The following TNRC6A variants were observed in gnomAD, a reference collection of about 807,000 sequenced individuals.
The protein encoded by TNRC6A is trinucleotide repeat-containing gene 6A protein.
In TNRC6A, 44 loss-of-function variants were observed where a neutral mutation model predicts 221.2. That is an observed-to-expected ratio of 0.20 (90% confidence interval 0.16 to 0.26). The LOEUF (loss-of-function observed/expected upper bound fraction) is 0.26, where lower values mean the gene tolerates loss of function less well. Ranked by LOEUF, TNRC6A falls within the 10% of genes least tolerant of loss-of-function variation. The pLI, the probability that TNRC6A is intolerant of heterozygous loss-of-function variation, is 1.00. For missense variants in TNRC6A, 2,199 were observed against 2,404.4 expected, an observed-to-expected ratio of 0.91 and a Z score of 1.79; for synonymous variants, 847 against 838.5, an observed-to-expected ratio of 1.01 and a Z score of -0.18.
chr16:24,662,867 T>C (rs2055064429), intron 2 of TNRC6A: 1 of 153,780 alleles, frequency 6.5e-6, no homozygotes, highest in Non-Finnish European at 1.5e-5. Context: ...ATGTGTGTGC[T>C]GGTGTATATG....
chr16:24,818,361 A>C (rs2058696104), intron 20 of TNRC6A, among the ~76,000 whole-genome samples: 1 of 152,112 alleles, frequency 6.6e-6, no homozygotes, highest in African/African-American at 2.4e-5. Context: ...AGTGAGGACA[A>C]AATCAGAGGG....
rs528759357 is a variant in TNRC6A at position 24,717,522 on chromosome 16, T to C, written n.403-33204T>C. 3.3e-5 allele frequency among the ~76,000 whole-genome samples: 5 copies of C among 152,218 alleles called. No individual in the cohort carries two copies. The South Asian group carries it at 1.0e-3, about 32-fold the overall frequency. On this transcript the variant is annotated intron_variant and non_coding_transcript_variant, in intron 2 of 2. Coordinates refer to the TNRC6A transcript ENST00000566108. ...GCAGAAGTACCCACTTTATCCTCGG[T>C]GAAACAATGAATGTGCCTGTGGTGG...
At chr16:24,794,176 CTCCCTAAAAATAT>C (rs949625777) in intron 7 of TNRC6A, among the ~76,000 whole-genome samples, 9 of 152,328 alleles carry the variant, frequency 5.9e-5, no homozygotes, top group African/African-American at 2.2e-4. Context: ...TCTGGCCATT[CTCCCTAAAAATAT>C]ATATAAAAAT....
At chr16:24,664,803 AC>A (rs2055119858) in intron 2 of TNRC6A, 2 of 444,302 alleles carry the variant, frequency 4.5e-6, no homozygotes, top group African/African-American at 4.1e-5. Flanking sequence ...ACACACACAC[AC>A]ACACACACAA....
chr16:24,760,219 T>G (rs751169998), intron 4 of TNRC6A, among the ~76,000 whole-genome samples: 8 of 152,224 alleles, frequency 5.3e-5, no homozygotes, highest in Non-Finnish European at 1.0e-4. Context: ...AGTTCATCCT[T>G]GAATGGGTCT....
intron 2 of TNRC6A, among the ~76,000 whole-genome samples, chr16:24,681,963 C>T (rs1393338817): frequency 3.3e-5 from 5 of 152,148 alleles, no homozygotes; most frequent in Admixed American, 6.6e-5. Context: ...ATTATATTCC[C>T]GCCCATCTGT....
intron 2 of TNRC6A, among the ~76,000 whole-genome samples, chr16:24,721,857 T>C (rs1029826270): frequency 2.6e-5 from 4 of 152,178 alleles, no homozygotes; most frequent in Non-Finnish European, 5.9e-5. Context: ...TATGAATGAC[T>C]CTCACAGGCA....
intron 4 of TNRC6A, among the ~76,000 whole-genome samples, chr16:24,769,003 G>C (rs1450085955): frequency 6.6e-6 from 1 of 152,144 alleles, no homozygotes; most frequent in Non-Finnish European, 1.5e-5. Context: ...TCTGAAATCA[G>C]TTTATTAAGG....
rs2151906323 is a variant in TNRC6A, at chr16:24,794,432, G to T, written c.3353-112G>T. 4.7e-6 allele frequency: 5 copies of T among 1,057,890 alleles called. No individual in the cohort carries two copies. In the East Asian group the frequency reaches 7.8e-5, roughly 17 times the overall value. 65.5% of individuals were successfully genotyped at this position (1,057,890 alleles called of 1,614,324 possible). ...CAGATGCAGGAAGGGAAATAAGTGT[G>T]CACGTGTGTGTTTTCTTAGGTTCTC... On this transcript the variant is annotated intron_variant, in intron 7 of 24. Coordinates refer to ENST00000395799, the MANE Select transcript of TNRC6A (RefSeq NM_014494.4).
chr16:24,621,798 A>G (rs143502030), intron 1 of TNRC6A, among the ~76,000 whole-genome samples: 158 of 152,338 alleles, frequency 1.0e-3, no homozygotes, highest in South Asian at 3.9e-3. Context: ...TATAAAAGCA[A>G]TAGTAAAAAT....
At chr16:24,796,532 A>G (rs1026241203) in intron 9 of TNRC6A, among the ~76,000 whole-genome samples, 3 of 152,168 alleles carry the variant, frequency 2.0e-5, no homozygotes, top group African/African-American at 7.2e-5. Context: ...CTAATTTGAG[A>G]GGCATTTCAG....
intron 3 of TNRC6A, among the ~76,000 whole-genome samples, chr16:24,753,016 CAT>C (rs953497482): frequency 1.3e-5 from 2 of 152,198 alleles, no homozygotes; most frequent in African/African-American, 2.4e-5. Context: ...AAAGTTGTAA[CAT>C]ATACAGCAAT....
chr16:24,805,884 G>A (rs1286285535), intron 15 of TNRC6A, 151 bp downstream of exon 15: 4 of 1,075,306 alleles, frequency 3.7e-6, no homozygotes, highest in Non-Finnish European at 2.7e-6. Flanking sequence ...GAGACAGATC[G>A]TGAACATTTG....
intron 4 of TNRC6A, among the ~76,000 whole-genome samples, chr16:24,758,760 A>C (rs574244463): frequency 3.3e-5 from 5 of 152,124 alleles, no homozygotes; most frequent in Admixed American, 6.6e-5. Context: ...TCTCTGAAGA[A>C]TGTCCCCCAT....
At position 24,792,342 on chromosome 16, in the gene TNRC6A, T is replaced by C. The variant is rs116797236; in HGVS notation, c.3175+525T>C. On this transcript the variant is annotated intron_variant, in intron 6 of 24. Transcript: ENST00000395799. ...CTTACTTTCCTCTCTAATAATGAAC[T>C]AATTCCTATCTCTGCAAATTTTCCC... Among the ~76,000 whole-genome samples the C allele has an allele frequency of 9.5e-4, 144 of 152,340 alleles. 1 individual carries two copies. Among genetic ancestry groups the C allele is most frequent in the African/African-American group, 3.4e-3 (140 of 41,590 alleles).
intron 1 of TNRC6A, among the ~76,000 whole-genome samples, chr16:24,625,082 G>A (rs1317263853): frequency 6.6e-6 from 1 of 152,172 alleles, no homozygotes; most frequent in East Asian, 1.9e-4. Flanking sequence ...TATCTGTTTG[G>A]TGGAGAAATG....
At chr16:24,801,228 G>A (rs994063817) in intron 11 of TNRC6A, among the ~76,000 whole-genome samples, 1 of 152,196 alleles carries the variant, frequency 6.6e-6, no homozygotes, top group Non-Finnish European at 1.5e-5. Context: ...GAGAGAGTTG[G>A]AGGATAATGG....
At position 24,805,679 on chromosome 16, in the gene TNRC6A, C is replaced by T; in HGVS notation, c.4197C>T (p.Ala1399=). 6 of 1,614,226 alleles carry T rather than the reference C, an allele frequency of 3.7e-6. No homozygotes were observed. The highest frequency in any genetic ancestry group is 5.1e-6 in the Non-Finnish European group (6 of 1,180,034). The change falls in exon 15 of 25, where the codon GCC becomes GCT. Residue 1399 remains alanine (A), a synonymous_variant. Coordinates refer to ENST00000395799, the MANE Select transcript of TNRC6A (RefSeq NM_014494.4). ...LNPLFGPQQV[A]MLNQLSQLNQ... ...CACTCTTTGGCCCTCAACAGGTAGC[C>T]ATGCTGAACCAGCTATCCCAGCTAA...
intron 2 of TNRC6A, among the ~76,000 whole-genome samples, chr16:24,677,799 G>A (rs890703186): frequency 4.6e-5 from 7 of 152,116 alleles, no homozygotes; most frequent in African/African-American, 9.7e-5. Context: ...TCTGTTGGAC[G>A]AATGAATAAT....
Sources: gnomAD v4.1 joint callset for allele counts (sites outside exome capture counted in the v4.1 genomes callset) on GRCh38, gnomAD v4.1.1 for gene constraint, MANE v1.5 for transcripts, NCBI Gene and HGNC (gene_info 2026-07-23, HGNC 2026-07-21) for gene names.